SLC2A13: variants seen among roughly 807,000 people sequenced by gnomAD.
SLC2A13 encodes the protein solute carrier family 2 member 13.
SLC2A13 carries 32 observed loss-of-function variants against 64.4 expected under a neutral mutation model. The ratio of observed to expected loss-of-function variants is 0.50; its 90% confidence interval spans 0.37 to 0.67. The LOEUF (loss-of-function observed/expected upper bound fraction) is 0.67. Ranked by LOEUF, SLC2A13 falls within the 30% of genes least tolerant of loss-of-function variation. SLC2A13 has a pLI of 0.00. For synonymous variants in SLC2A13, 338 were observed against 327.1 expected, an observed-to-expected ratio of 1.03 and a Z score of -0.36; for missense variants, 743 against 829.2, an observed-to-expected ratio of 0.90 and a Z score of 1.28.
chr12:39,827,260 A>T (rs1942722126), intron 7 of SLC2A13, among the ~76,000 whole-genome samples: 1 of 151,826 alleles, frequency 6.6e-6, no homozygotes, highest in South Asian at 2.1e-4. Context: ...GAGAACACAC[A>T]CTCCCTCATA....
Position 40,099,395 on chromosome 12 carries a change from C to T in SLC2A13, c.556+5858G>A, listed in dbSNP as rs573281287. 2.6e-5 allele frequency among the ~76,000 whole-genome samples: 4 copies of T among 152,322 alleles called. No homozygotes were observed. The South Asian group carries it at 8.3e-4, about 32-fold the overall frequency. On this transcript the variant is annotated intron_variant, in intron 1 of 9. Transcript: ENST00000280871. ...AATATGAGAAAAAGAAAATTAGACT[C>T]AGGTGATTTTGGGTAAAGATGGCAA...
At chr12:40,076,526 A>T (rs2136277125) in intron 1 of SLC2A13, among the ~76,000 whole-genome samples, 1 of 152,210 alleles carries the variant, frequency 6.6e-6, no homozygotes, top group Middle Eastern at 3.4e-3. Flanking sequence ...CATGGTGTAT[A>T]TGTACATTTT....
chr12:39,999,128 G>A (rs948333630), intron 3 of SLC2A13, among the ~76,000 whole-genome samples: 13 of 152,124 alleles, frequency 8.5e-5, no homozygotes, highest in African/African-American at 3.1e-4. Context: ...ATCTTCATAA[G>A]CTGAGGATGT....
chr12:39,840,009 C>T (rs1280982779), intron 6 of SLC2A13, among the ~76,000 whole-genome samples: 1 of 151,922 alleles, frequency 6.6e-6, no homozygotes, highest in Non-Finnish European at 1.5e-5. Flanking sequence ...ATGTATAGTT[C>T]CTGTACTCTC....
chr12:40,083,712 G>C (rs1423269329), intron 1 of SLC2A13, among the ~76,000 whole-genome samples: 2 of 152,172 alleles, frequency 1.3e-5, no homozygotes, highest in Non-Finnish European at 2.9e-5. Flanking sequence ...TTCTGCCATT[G>C]GTGTTCAATG....
chr12:39,934,006 G>C (rs1339560233), intron 4 of SLC2A13, among the ~76,000 whole-genome samples: 1 of 152,170 alleles, frequency 6.6e-6, no homozygotes, highest in African/African-American at 2.4e-5. Flanking sequence ...AGTCACATTA[G>C]AGTAGATTAA....
chr12:39,962,660 A>C (rs1946435452), intron 3 of SLC2A13, among the ~76,000 whole-genome samples: 1 of 152,204 alleles, frequency 6.6e-6, no homozygotes, highest in Non-Finnish European at 1.5e-5. Context: ...TGATATAATA[A>C]AGTTTTCTCA....
chr12:40,019,655 T>C (rs758672633), intron 3 of SLC2A13, among the ~76,000 whole-genome samples: 23 of 152,186 alleles, frequency 1.5e-4, no homozygotes, highest in Non-Finnish European at 2.8e-4. Context: ...GAAAAAGAAA[T>C]TGTTACTAGT....
At chr12:39,829,392 CTTTTTTT>C (rs1202354539) in intron 7 of SLC2A13, 5 of 65,798 alleles carry the variant, frequency 7.6e-5, no homozygotes, top group South Asian at 1.2e-3. Context: ...GATAGTAATT[CTTTTTTT>C]TTTTTTTTTT....
intron 3 of SLC2A13, among the ~76,000 whole-genome samples, chr12:40,025,121 C>G (rs895512271): frequency 6.6e-6 from 1 of 152,334 alleles, no homozygotes; most frequent in East Asian, 1.9e-4. Flanking sequence ...GAAAAAAACA[C>G]ACAAGACATT....
intron 3 of SLC2A13, among the ~76,000 whole-genome samples, chr12:39,976,724 T>C (rs893008261): frequency 6.6e-6 from 1 of 152,204 alleles, no homozygotes; most frequent in African/African-American, 2.4e-5. Context: ...ATCATCAGTA[T>C]GTCATTTTTG....
At chr12:39,919,537 T>C (rs1332438698) in intron 4 of SLC2A13, among the ~76,000 whole-genome samples, 1 of 152,080 alleles carries the variant, frequency 6.6e-6, no homozygotes. Context: ...ATATCTAACA[T>C]AGTAATTTAA....
intron 3 of SLC2A13, among the ~76,000 whole-genome samples, chr12:39,978,179 TAGA>T (rs1946799493): frequency 6.6e-6 from 1 of 152,158 alleles, no homozygotes. Flanking sequence ...CTAATAAAAA[TAGA>T]AGTTTTCTGA....
At chr12:39,925,030 A>AATT (rs1945696038) in intron 4 of SLC2A13, among the ~76,000 whole-genome samples, 1 of 119,130 alleles carries the variant, frequency 8.4e-6, no homozygotes, top group East Asian at 2.3e-4. Context: ...CATACAGATA[A>AATT]TTTTTTTTTT....
At chr12:39,957,903 T>G (rs757510268) in intron 3 of SLC2A13, among the ~76,000 whole-genome samples, 5 of 152,064 alleles carry the variant, frequency 3.3e-5, no homozygotes, top group Non-Finnish European at 5.9e-5. Flanking sequence ...AATACCAGGA[T>G]GGGGTCATCC....
At chr12:39,905,007 C>A (rs1450550270) in intron 4 of SLC2A13, among the ~76,000 whole-genome samples, 3 of 152,070 alleles carry the variant, frequency 2.0e-5, no homozygotes, top group Non-Finnish European at 2.9e-5. Context: ...GCTTCAGTTG[C>A]TAGAGCTAAA....
rs376610056 is a variant in SLC2A13 at position 39,780,762 on chromosome 12, T to C, written c.1446-15904A>G. On this transcript the variant is annotated intron_variant, in intron 7 of 9. Coordinates refer to ENST00000280871, the MANE Select transcript of SLC2A13 (RefSeq NM_052885.4). ...ATAAGATGGCAGTGTTAGGCAGTCTTTTAATAATACATACACGAAAACATG... is the reference window on the plus strand; with the variant it reads ...ATAAGATGGCAGTGTTAGGCAGTCTCTTAATAATACATACACGAAAACATG... 1.8e-4 allele frequency among the ~76,000 whole-genome samples: 27 copies of C among 152,314 alleles called. No homozygotes were observed. In the South Asian group the frequency reaches 5.6e-3, roughly 32 times the overall value.
chr12:40,029,489 C>T (rs1947873103), intron 2 of SLC2A13, among the ~76,000 whole-genome samples: 1 of 152,180 alleles, frequency 6.6e-6, no homozygotes, highest in African/African-American at 2.4e-5. Flanking sequence ...ACAAACCACA[C>T]TGATATGCAT....
At chr12:40,065,497 A>G (rs2136259618) in intron 1 of SLC2A13, among the ~76,000 whole-genome samples, 1 of 151,964 alleles carries the variant, frequency 6.6e-6, no homozygotes, top group South Asian at 2.1e-4. Flanking sequence ...AGGCAAGAGG[A>G]TCACTTGAGC....
Sources: gnomAD v4.1 joint callset for allele counts (sites outside exome capture counted in the v4.1 genomes callset) on GRCh38, gnomAD v4.1.1 for gene constraint, MANE v1.5 for transcripts, NCBI Gene and HGNC (gene_info 2026-07-23, HGNC 2026-07-21) for gene names.